Variants in LAMA1 observed in about 807,000 individuals in gnomAD.
LAMA1 encodes the protein laminin subunit alpha 1.
In LAMA1, 219 loss-of-function variants were observed where a neutral mutation model predicts 348.7. The ratio of observed to expected loss-of-function variants is 0.63; its 90% CI spans 0.56 to 0.70. The LOEUF is 0.70. LAMA1 is among the 30% of genes least tolerant of loss of function. The pLI is 0.00. For synonymous variants in LAMA1, 1,487 were observed against 1,491.0 expected, an observed-to-expected ratio of 1.00 and a Z score of 0.06; for missense variants, 3,744 against 3,888.0, an observed-to-expected ratio of 0.96 and a Z score of 0.99.
chr18:6,974,299 T>C (rs371425973), intron 46 of LAMA1, among the ~76,000 whole-genome samples: 13 of 152,202 alleles, frequency 8.5e-5, no homozygotes, highest in East Asian at 7.7e-4. Context: ...AGGTGCAAAA[T>C]GTTGTTATGA....
intron 14 of LAMA1, among the ~76,000 whole-genome samples, chr18:7,033,470 A>AAAAT (rs1555656719): frequency 6.6e-6 from 1 of 151,314 alleles, no homozygotes; most frequent in Non-Finnish European, 1.5e-5. Flanking sequence ...AAAAAAAAAA[A>AAAAT]GACTTAAATC....
chr18:7,080,068 A>G lies in LAMA1; in HGVS notation c.252T>C (p.His84=). The stretch of plus-strand genomic sequence containing the variant: ...ACCAGTTATTGGTGCCATCTATGGC[A>G]TGTGATATTGGATGGCGTTCTGTTG... ...ANPRERHPIS[H]AIDGTNNWWQ... is the part of the protein sequence containing the mutation. Residue 84 remains histidine (H), a synonymous_variant, in exon 3 of 63, where the codon CAT becomes CAC. Transcript: ENST00000389658. The G allele has an allele frequency of 1.2e-6, 2 of 1,613,404 alleles. No individual in the cohort carries two copies. The highest frequency in any genetic ancestry group is 1.7e-6 in the Non-Finnish European group (2 of 1,179,308).
chr18:7,102,366 G>C (rs535389034), intron 1 of LAMA1, among the ~76,000 whole-genome samples: 1 of 152,078 alleles, frequency 6.6e-6, no homozygotes, highest in East Asian at 1.9e-4. Context: ...GAGGAGAACA[G>C]CTGTTCTCTC....
chr18:7,046,164 G>T, intron 6 of LAMA1, 114 bp downstream of exon 6: 2 of 658,262 alleles, frequency 3.0e-6, no homozygotes, highest in Non-Finnish European at 5.3e-6. Context: ...CTGTTTTTTT[G>T]GAGCATAATT....
At chr18:7,086,728 G>T (rs1334938730) in intron 1 of LAMA1, among the ~76,000 whole-genome samples, 1 of 152,162 alleles carries the variant, frequency 6.6e-6, no homozygotes, top group Non-Finnish European at 1.5e-5. Context: ...TCTCCCTCAG[G>T]GACCACACAG....
intron 32 of LAMA1, 135 bp from the exon 33 acceptor site, chr18:6,998,019 C>T (rs1486011541): frequency 1.0e-5 from 8 of 775,544 alleles, no homozygotes; most frequent in African/African-American, 3.4e-5. Context: ...CCGTGCACCA[C>T]ATCTGATCTC....
intron 32 of LAMA1, among the ~76,000 whole-genome samples, chr18:6,998,135 A>G (rs370168040): frequency 1.3e-5 from 2 of 152,204 alleles, no homozygotes; most frequent in South Asian, 2.1e-4. Context: ...CAGAGGTCAC[A>G]CAGAAAGAAA....
intron 46 of LAMA1, among the ~76,000 whole-genome samples, chr18:6,973,567 C>G (rs2057668037): frequency 6.6e-6 from 1 of 152,148 alleles, no homozygotes; most frequent in Non-Finnish European, 1.5e-5. Flanking sequence ...AAAGTGATTA[C>G]CTCTGAAGGA....
chr18:7,117,745 G>A lies in LAMA1; in HGVS notation c.-25C>T. 1 of 1,591,358 alleles carries A rather than the reference G, an allele frequency of 6.3e-7. No homozygotes were observed. ...TCTCGCCTCCGCCGCCACTCGGTGG[G>A]TCTGGGGAGAAAGCCGCGCGCCCGC... On this transcript the variant is annotated 5_prime_UTR_variant, in exon 1 of 63. Coordinates refer to ENST00000389658, the MANE Select transcript of LAMA1 (RefSeq NM_005559.4).
chr18:7,113,162 T>G (rs774889293), intron 1 of LAMA1, among the ~76,000 whole-genome samples: 1 of 152,106 alleles, frequency 6.6e-6, no homozygotes, highest in African/African-American at 2.4e-5. Flanking sequence ...GCCCTGTGAG[T>G]ACAGGGAAGG....
intron 32 of LAMA1, among the ~76,000 whole-genome samples, chr18:6,998,923 C>T (rs1422055638): frequency 6.6e-6 from 1 of 152,166 alleles, no homozygotes; most frequent in Non-Finnish European, 1.5e-5. Flanking sequence ...ATCCCAGCTA[C>T]TCGGGAGGCT....
intron 48 of LAMA1, 100 bp from the exon 49 acceptor site, chr18:6,966,397 C>T: frequency 1.0e-6 from 1 of 966,370 alleles, no homozygotes; most frequent in South Asian, 1.4e-5. Context: ...CACTGTAGAG[C>T]TATTAGTTCC....
At position 7,012,497 on chromosome 18, in the gene LAMA1, A is replaced by ATAT. The variant is rs35789852; in HGVS notation, c.3364-362_3364-360dup. Among the ~76,000 whole-genome samples the ATAT allele has an allele frequency of 4.2e-3, 605 of 143,572 alleles. 1 individual carries two copies. The highest frequency in any genetic ancestry group is 7.8e-3 in the South Asian group (33 of 4,238). 94.2% of individuals were successfully genotyped at this position (143,572 alleles called of 152,430 possible). A position where few individuals can be genotyped will look rare whatever the true frequency, so the allele number is the denominator to read the frequency against. ...GATAAATATTATTATTATTATTATT[A>ATAT]TATTATTATTATTATTATTATTATT... On this transcript the variant is annotated intron_variant, in intron 23 of 62. Coordinates refer to ENST00000389658, the MANE Select transcript of LAMA1 (RefSeq NM_005559.4).
intron 1 of LAMA1, among the ~76,000 whole-genome samples, chr18:7,103,659 C>G (rs565937396): frequency 6.8e-6 from 1 of 147,446 alleles, no homozygotes; most frequent in South Asian, 2.2e-4. Flanking sequence ...ACTAAAAATA[C>G]CAAAAAAAAA....
chr18:6,988,086 C>T (rs2057743225), intron 36 of LAMA1, among the ~76,000 whole-genome samples: 1 of 151,994 alleles, frequency 6.6e-6, no homozygotes, highest in Non-Finnish European at 1.5e-5. Context: ...TGCACTCCAG[C>T]CTGGGTGACA....
At position 7,050,679 on chromosome 18, in the gene LAMA1, G is replaced by A. The variant is rs371398159; in HGVS notation, c.588+15C>T. The A allele has an allele frequency of 6.4e-5, 103 of 1,613,142 alleles. 1 individual carries two copies. Among genetic ancestry groups the A allele is most frequent in the African/African-American group, 2.7e-4 (20 of 74,990 alleles). ...ATGAGGAAACAGATCTTGCTGCAGC[G>A]GGCACCATACCTACCTCTCCATGCT... On this transcript the variant is annotated intron_variant, in intron 4 of 62. Transcript: ENST00000389658.
intron 1 of LAMA1, among the ~76,000 whole-genome samples, chr18:7,092,894 A>T (rs937697541): frequency 6.6e-6 from 1 of 152,128 alleles, no homozygotes; most frequent in African/African-American, 2.4e-5. Context: ...AAAGGTCTCC[A>T]TGTGAATCAA....
At chr18:7,003,605 T>A (rs1051581461) in intron 29 of LAMA1, among the ~76,000 whole-genome samples, 2 of 152,122 alleles carry the variant, frequency 1.3e-5, no homozygotes, top group Admixed American at 6.5e-5. Context: ...GTTCTTGCCA[T>A]CTGATTCCAA....
chr18:6,958,364 G>A (rs1172157457), intron 55 of LAMA1, 113 bp downstream of exon 55: 10 of 1,150,520 alleles, frequency 8.7e-6, no homozygotes, highest in African/African-American at 1.5e-5. Context: ...TCATTATTTG[G>A]GAATTTGCAA....
Sources: gnomAD v4.1 joint callset for allele counts (sites outside exome capture counted in the v4.1 genomes callset) on GRCh38, gnomAD v4.1.1 for gene constraint, MANE v1.5 for transcripts, NCBI Gene and HGNC (gene_info 2026-07-23, HGNC 2026-07-21) for gene names.